RNF111: variants seen among roughly 807,000 people sequenced by gnomAD.
RNF111 encodes the protein E3 ubiquitin-protein ligase Arkadia.
In RNF111, 17 loss-of-function variants were observed where a neutral mutation model predicts 95.1. That is an observed-to-expected ratio of 0.18 (90% CI 0.12 to 0.27). The LOEUF (loss-of-function observed/expected upper bound fraction) is 0.27. Ranked by LOEUF, RNF111 falls within the 10% of genes least tolerant of loss-of-function variation. The pLI is 1.00. For synonymous variants in RNF111, 440 were observed against 414.8 expected (o/e 1.06, Z -0.74); for missense variants, 1,189 against 1,210.4 (o/e 0.98, Z 0.26).
chr15:58,996,649 CTTTTTTTTTTT>C lies in RNF111; in HGVS notation c.-20+8600_-20+8610del, dbSNP rs60350601. 6.7e-3 allele frequency among the ~76,000 whole-genome samples: 673 copies of C among 100,786 alleles called. 8 individuals are homozygous for C. Among genetic ancestry groups the C allele is most frequent in the African/African-American group, 0.023 (602 of 25,666 alleles). The allele number at this position is 100,786 out of a possible 152,430, so 66.1% of individuals were successfully genotyped here. On this transcript the variant is annotated intron_variant, in intron 1 of 13. Transcript: ENST00000348370. ...GTGATTGAAAACTCATCAGTACTTTCTTTTTTTTTTTTTTTTTTTTTTTTTTTTTACCCAGG... is the reference window on the plus strand; with the variant it reads ...GTGATTGAAAACTCATCAGTACTTTCTTTTTTTTTTTTTTTTTTACCCAGG...
At chr15:59,020,017 A>T (rs1171656129) in intron 1 of RNF111, among the ~76,000 whole-genome samples, 1 of 151,616 alleles carries the variant, frequency 6.6e-6, no homozygotes, top group Non-Finnish European at 1.5e-5. Context: ...CTGCACCGAA[A>T]TGGGGTTAAT....
intron 2 of RNF111, among the ~76,000 whole-genome samples, chr15:59,052,037 T>C (rs1438518852): frequency 1.3e-5 from 2 of 152,124 alleles, no homozygotes; most frequent in African/African-American, 4.8e-5. Flanking sequence ...TTACAAATCA[T>C]GTAGAAACCA....
In RNF111 at chr15:59,066,852, A is replaced by G. The variant is rs1228095679; in HGVS notation, c.1455A>G (p.Ser485=). The change falls in exon 6 of 14, where the codon TCA becomes TCG. Residue 485 remains serine, a synonymous_variant. Coordinates refer to ENST00000348370, the MANE Select transcript of RNF111 (RefSeq NM_017610.8). ...TACCTTCCTGCTGTCCCCAGCACTC[A>G]CCATGTGGAGGGTCGTCACAGAACC... ...PRLPSCCPQH[S]PCGGSSQNHH... 1.2e-6 allele frequency: 2 copies of G among 1,613,990 alleles called. No homozygotes were observed. The highest frequency in any genetic ancestry group is 2.2e-5 in the South Asian group (2 of 91,084).
At chr15:59,021,887 A>T (rs2040362732) in intron 1 of RNF111, among the ~76,000 whole-genome samples, 1 of 151,486 alleles carries the variant, frequency 6.6e-6, no homozygotes, top group Admixed American at 6.6e-5. Flanking sequence ...TTTGAGTCAG[A>T]GTTTGCTCTG....
At position 59,081,209 on chromosome 15, in the gene RNF111, C is replaced by T; in HGVS notation, c.2222C>T (p.Pro741Leu). Reference protein sequence around the residue: ...ISHHIPATAPPAQRLHPHEVM... With the variant: ...ISHHIPATAPLAQRLHPHEVM... ...CACCATATTCCAGCCACAGCACCTC[C>T]AGCACAGAGACTGCATCCTCATGAA... The change falls in exon 8 of 14, where the codon CCA becomes CTA. Residue 741 changes from proline to leucine, a missense_variant. By Grantham distance (98) the Pro-to-Leu change is moderately conservative. This residue lies in a region of RNF111 where 1,024 missense variants were observed against 925.9 expected (regional missense o/e 1.11). Transcript: ENST00000348370. 6.2e-7 allele frequency: 1 copy of T among 1,614,218 alleles called. No individual in the cohort carries two copies. The highest frequency in any genetic ancestry group is 8.5e-7 in the Non-Finnish European group (1 of 1,180,032).
At chr15:59,039,826 C>T (rs112657167) in intron 2 of RNF111, among the ~76,000 whole-genome samples, 65 of 152,174 alleles carry the variant, frequency 4.3e-4, no homozygotes, top group African/African-American at 1.5e-3. Context: ...AAGCGATTCC[C>T]CTGCCTCAGC....
rs2078732904 is a variant in RNF111, at chr15:59,081,208, C to A, written c.2221C>A (p.Pro741Thr). ...GCACCATATTCCAGCCACAGCACCT[C>A]CAGCACAGAGACTGCATCCTCATGA... is the stretch of plus-strand genomic sequence containing the variant. Reference protein sequence around the residue: ...ISHHIPATAPPAQRLHPHEVM... With the variant: ...ISHHIPATAPTAQRLHPHEVM... Residue 741 changes from proline (P) to threonine (T), a missense_variant, in exon 8 of 14, where the codon CCA (proline) becomes ACA (threonine). Coordinates refer to ENST00000348370, the MANE Select transcript of RNF111 (RefSeq NM_017610.8). 2 of 1,614,068 alleles carry A rather than the reference C, an allele frequency of 1.2e-6. No homozygotes were observed. The highest frequency in any genetic ancestry group is 2.7e-5 in the African/African-American group (2 of 74,918).
At chr15:59,051,074 A>G (rs2041956746) in intron 2 of RNF111, among the ~76,000 whole-genome samples, 1 of 152,128 alleles carries the variant, frequency 6.6e-6, no homozygotes, top group Non-Finnish European at 1.5e-5. Flanking sequence ...ACTTGGACCA[A>G]CTCTAATTTA....
At chr15:59,066,615 A>T (rs2042667174) in intron 5 of RNF111, 149 bp from the exon 6 acceptor site, 1 of 716,492 alleles carries the variant, frequency 1.4e-6, no homozygotes, top group East Asian at 2.7e-5. Flanking sequence ...ATCTCAAAAA[A>T]AAAAGAACGT....
chr15:59,096,038 A>C lies in RNF111; in HGVS notation c.*1138A>C, dbSNP rs184272463. ...CTGTGAGGCACAAATTATACTGTCA[A>C]CCTACTGTTGCTATGGTTATATACT... On this transcript the variant is annotated 3_prime_UTR_variant, in exon 14 of 14. Transcript: ENST00000348370. The C allele has an allele frequency of 1.3e-5, 5 of 398,580 alleles. No homozygotes were observed. Among genetic ancestry groups the C allele is most frequent in the Non-Finnish European group, 2.2e-5 (5 of 225,872 alleles). 24.7% of individuals were successfully genotyped at this position (398,580 alleles called of 1,614,324 possible). A position where few individuals can be genotyped will look rare whatever the true frequency, so the allele number is the denominator to read the frequency against.
chr15:59,016,939 T>A (rs7173135), intron 1 of RNF111, among the ~76,000 whole-genome samples: 3 of 151,456 alleles, frequency 2.0e-5, no homozygotes, highest in African/African-American at 4.9e-5. Context: ...TCTAGGTTGC[T>A]TGCTCCTTAC....
chr15:59,005,160 C>G (rs1446369705), intron 1 of RNF111, among the ~76,000 whole-genome samples: 2 of 152,128 alleles, frequency 1.3e-5, no homozygotes, highest in Non-Finnish European at 2.9e-5. Context: ...CCTGGTTTTC[C>G]TCTTACAACT....
chr15:59,034,694 C>T (rs2041085811), intron 2 of RNF111, among the ~76,000 whole-genome samples: 1 of 152,148 alleles, frequency 6.6e-6, no homozygotes, highest in African/African-American at 2.4e-5. Flanking sequence ...TAGGTTATTT[C>T]CTAGTCATAT....
intron 6 of RNF111, among the ~76,000 whole-genome samples, chr15:59,073,200 G>A (rs1370874437): frequency 6.6e-6 from 1 of 152,162 alleles, no homozygotes; most frequent in Non-Finnish European, 1.5e-5. Context: ...CCTGGGTGCA[G>A]TGGCTGACTT....
chr15:59,085,254 A>G (rs3809531), intron 9 of RNF111, among the ~76,000 whole-genome samples: 6 of 152,112 alleles, frequency 3.9e-5, no homozygotes, highest in Non-Finnish European at 5.9e-5. Flanking sequence ...AATCGTCCTT[A>G]ATGTCAACAA....
intron 1 of RNF111, among the ~76,000 whole-genome samples, chr15:59,022,943 G>C (rs919966001): frequency 1.3e-5 from 2 of 152,058 alleles, no homozygotes; most frequent in South Asian, 2.1e-4. Flanking sequence ...GATGACAGAG[G>C]ATCTTTGAAA....
At position 59,067,678 on chromosome 15, in the gene RNF111, T is replaced by C. The variant is rs549430709; in HGVS notation, c.1686+595T>C. On this transcript the variant is annotated intron_variant, in intron 6 of 13. Coordinates refer to ENST00000348370, the MANE Select transcript of RNF111 (RefSeq NM_017610.8). ...TCTAAAAATCACTTTTTAAAAAGGC[T>C]TTTGATGTTTTTAGTTAAATACAGT... Among the ~76,000 whole-genome samples, 36 of 152,354 alleles carry C rather than the reference T, an allele frequency of 2.4e-4. No individual in the cohort carries two copies. In the South Asian group the frequency reaches 5.0e-3, roughly 21 times the overall value.
At chr15:59,074,905 C>A (rs1370442177) in intron 6 of RNF111, among the ~76,000 whole-genome samples, 1 of 152,098 alleles carries the variant, frequency 6.6e-6, no homozygotes, top group African/African-American at 2.4e-5. Context: ...ATACCAGAGG[C>A]CATTAATTGG....
rs769223221 is a variant in RNF111, at chr15:59,094,818, G to A, written c.2879G>A (p.Cys960Tyr). ...TGTATGCACCTTTTCCACCAAGTGTGTGTTGACCAATGGTTGATTACCAAT... is the reference window on the plus strand; with the variant it reads ...TGTATGCACCTTTTCCACCAAGTGTATGTTGACCAATGGTTGATTACCAAT... ...LPCMHLFHQV[C>Y]VDQWLITNKK... Residue 960 changes from cysteine to tyrosine, a missense_variant, in exon 14 of 14, where the codon TGT (cysteine) becomes TAT (tyrosine). Cys to Tyr is a radical substitution (Grantham distance 194). Transcript: ENST00000348370. 1.2e-6 allele frequency: 2 copies of A among 1,612,974 alleles called. No homozygotes were observed. Among genetic ancestry groups the A allele is most frequent in the Admixed American group, 1.7e-5 (1 of 59,968 alleles).
Sources: gnomAD v4.1 joint callset for allele counts (sites outside exome capture counted in the v4.1 genomes callset) on GRCh38, gnomAD v4.1.1 for gene constraint, gnomAD v4.1.1 regional missense constraint, MANE v1.5 for transcripts, NCBI Gene and HGNC (gene_info 2026-07-23, HGNC 2026-07-21) for gene names.